Variants in ENOX1 observed in about 807,000 individuals in gnomAD.
ENOX1 encodes the protein ecto-NOX disulfide-thiol exchanger 1.
A neutral mutation model predicts 82.5 loss-of-function variants in ENOX1; 42 were observed. That is an observed-to-expected ratio of 0.51 (90% CI 0.40 to 0.66). The LOEUF (loss-of-function observed/expected upper bound fraction) is 0.66, where lower values mean the gene tolerates loss of function less well. Ranked by LOEUF, ENOX1 falls within the 30% of genes least tolerant of loss-of-function variation. ENOX1 has a pLI of 0.00. For synonymous variants in ENOX1, 271 were observed against 282.2 expected (o/e 0.96, Z 0.40); for missense variants, 608 against 811.6 (o/e 0.75, Z 3.05).
chr13:43,343,798 C>A (rs1016555863), intron 9 of ENOX1, among the ~76,000 whole-genome samples: 1 of 152,010 alleles, frequency 6.6e-6, no homozygotes, highest in Non-Finnish European at 1.5e-5. Context: ...AAGAGAACAT[C>A]GGCAGCTGTG....
intron 3 of ENOX1, among the ~76,000 whole-genome samples, chr13:43,421,761 G>C (rs1486374236): frequency 6.6e-6 from 1 of 151,840 alleles, no homozygotes; most frequent in Non-Finnish European, 1.5e-5. Flanking sequence ...GATGATCAAG[G>C]AAACTAGTCA....
intron 1 of ENOX1, among the ~76,000 whole-genome samples, chr13:43,740,584 T>C (rs1319349981): frequency 1.3e-5 from 2 of 152,132 alleles, no homozygotes; most frequent in Non-Finnish European, 2.9e-5. Flanking sequence ...TACCCAGGTA[T>C]TAAGCCTAGT....
rs1386233803 is a variant in ENOX1 at position 43,574,800 on chromosome 13, ACT to A, written c.-218-90650_-218-90649del. On this transcript the variant is annotated intron_variant, in intron 2 of 16. Coordinates refer to ENST00000690772, the MANE Select transcript of ENOX1 (RefSeq NM_001347969.2). ...TCTTAGTAGGACACTTTCCCTCTAG[ACT>A]CTCTGTGTGGATATTTTCAAGGATT... Among the ~76,000 whole-genome samples, 4 of 151,918 alleles carry A rather than the reference ACT, an allele frequency of 2.6e-5. No individual in the cohort carries two copies. The East Asian group carries it at 5.8e-4, about 22-fold the overall frequency.
intron 2 of ENOX1, among the ~76,000 whole-genome samples, chr13:43,498,801 T>C (rs1240196284): frequency 6.6e-6 from 1 of 152,120 alleles, no homozygotes; most frequent in Non-Finnish European, 1.5e-5. Flanking sequence ...TTAATTACTA[T>C]GGTGGCTTTT....
chr13:43,455,532 A>AT (rs1463102512), intron 3 of ENOX1, among the ~76,000 whole-genome samples: 5 of 152,050 alleles, frequency 3.3e-5, no homozygotes, highest in Admixed American at 2.6e-4. Context: ...TCTCTGAATC[A>AT]TTTTTTTCTT....
At chr13:43,237,817 A>G (rs554244609) in intron 14 of ENOX1, among the ~76,000 whole-genome samples, 1 of 152,350 alleles carries the variant, frequency 6.6e-6, no homozygotes, top group Admixed American at 6.5e-5. Context: ...AAAGAAAAAT[A>G]AACCCAGCAC....
chr13:43,605,355 T>A (rs2081932743), intron 2 of ENOX1, among the ~76,000 whole-genome samples: 1 of 152,066 alleles, frequency 6.6e-6, no homozygotes, highest in African/African-American at 2.4e-5. Flanking sequence ...TAGCCAAAGC[T>A]ATACCAAGCA....
intron 11 of ENOX1, among the ~76,000 whole-genome samples, chr13:43,309,803 T>A (rs2047085632): frequency 6.7e-6 from 1 of 149,048 alleles, no homozygotes; most frequent in Non-Finnish European, 1.5e-5. Flanking sequence ...CTTTCTCACA[T>A]CCCCACAAAA....
intron 1 of ENOX1, among the ~76,000 whole-genome samples, chr13:43,695,785 A>G (rs1341988551): frequency 6.6e-6 from 1 of 152,156 alleles, no homozygotes; most frequent in Admixed American, 6.6e-5. Flanking sequence ...TAACAGTTTT[A>G]CTGAAATATG....
chr13:43,506,350 G>T (rs1237224154), intron 2 of ENOX1, among the ~76,000 whole-genome samples: 1 of 151,566 alleles, frequency 6.6e-6, no homozygotes, highest in East Asian at 1.9e-4. Context: ...GTGCTGGAGA[G>T]GATGTGGAGA....
chr13:43,247,934 G>A (rs1476394811), intron 14 of ENOX1, among the ~76,000 whole-genome samples: 41 of 112,550 alleles, frequency 3.6e-4, no homozygotes, highest in African/African-American at 1.4e-3. Flanking sequence ...CGCCCAGGCT[G>A]GAGTGCAGTG....
chr13:43,318,953 C>T (rs1488251479), intron 11 of ENOX1, among the ~76,000 whole-genome samples: 1 of 151,980 alleles, frequency 6.6e-6, no homozygotes, highest in Admixed American at 6.6e-5. Context: ...CTATCCCGCC[C>T]CACAGAGTCA....
intron 1 of ENOX1, among the ~76,000 whole-genome samples, chr13:43,761,467 G>A (rs919959895): frequency 3.9e-5 from 6 of 152,182 alleles, no homozygotes; most frequent in Non-Finnish European, 7.3e-5. Flanking sequence ...ACACTGTTCT[G>A]TGAGAGTATA....
chr13:43,688,848 T>C (rs1170872009), intron 1 of ENOX1, among the ~76,000 whole-genome samples: 2 of 152,198 alleles, frequency 1.3e-5, no homozygotes, highest in East Asian at 3.9e-4. Flanking sequence ...AAGATGTGTC[T>C]AATAAGCAGT....
At chr13:43,368,320 T>C (rs1180669503) in intron 5 of ENOX1, among the ~76,000 whole-genome samples, 1 of 152,156 alleles carries the variant, frequency 6.6e-6, no homozygotes, top group East Asian at 1.9e-4. Context: ...CTATTCTAAG[T>C]ATTGTTGACT....
chr13:43,225,483 G>T (rs2041984939), intron 15 of ENOX1, among the ~76,000 whole-genome samples: 1 of 152,208 alleles, frequency 6.6e-6, no homozygotes, highest in Non-Finnish European at 1.5e-5. Context: ...TGTTAAAAAA[G>T]TTTCAAGATG....
intron 3 of ENOX1, among the ~76,000 whole-genome samples, chr13:43,443,840 C>T (rs745558636): frequency 7.2e-5 from 11 of 152,166 alleles, no homozygotes; most frequent in Non-Finnish European, 1.3e-4. Context: ...CAATTATCCA[C>T]ACATGCCAAG....
chr13:43,702,012 C>CT (rs2086934037), intron 1 of ENOX1, among the ~76,000 whole-genome samples: 1 of 152,204 alleles, frequency 6.6e-6, no homozygotes, highest in Non-Finnish European at 1.5e-5. Flanking sequence ...CATCCTATCC[C>CT]TATCCCCTGG....
intron 1 of ENOX1, among the ~76,000 whole-genome samples, chr13:43,783,254 T>G (rs537245902): frequency 4.6e-5 from 7 of 152,250 alleles, no homozygotes; most frequent in African/African-American, 1.7e-4. Flanking sequence ...GCACAATATA[T>G]TATACACAAT....
Sources: allele counts gnomAD v4.1 joint callset (sites outside exome capture counted in the v4.1 genomes callset), GRCh38; gene constraint gnomAD v4.1.1; transcripts MANE v1.5; gene names NCBI Gene and HGNC (gene_info 2026-07-23, HGNC 2026-07-21).